The following MEP1A variants were observed in gnomAD, a reference collection of about 807,000 sequenced individuals.
MEP1A encodes the protein meprin A subunit alpha.
Under a neutral mutation model 84.5 loss-of-function variants are expected in MEP1A, and 68 were observed. The ratio of observed to expected loss-of-function variants is 0.80; its 90% CI spans 0.66 to 0.98. The LOEUF (loss-of-function observed/expected upper bound fraction) is 0.98, where lower values mean the gene tolerates loss of function less well. MEP1A is among the 50% of genes least tolerant of loss of function. MEP1A has a pLI of 0.00. For synonymous variants in MEP1A, 337 were observed against 336.8 expected, an observed-to-expected ratio of 1.00 and a Z score of -0.01; for missense variants, 887 against 919.9, an observed-to-expected ratio of 0.96 and a Z score of 0.46.
At chr6:46,803,251 T>C (rs1767234868) in intron 5 of MEP1A, among the ~76,000 whole-genome samples, 1 of 151,652 alleles carries the variant, frequency 6.6e-6, no homozygotes, top group Admixed American at 6.6e-5. Context: ...TATAGAATTA[T>C]TCTTATTTTC....
At chr6:46,843,997 A>T (rs1768376132), downstream of MEP1A, among the ~76,000 whole-genome samples, 1 of 152,224 alleles carries the variant, frequency 6.6e-6, no homozygotes, top group African/African-American at 2.4e-5. Flanking sequence ...ATGGAACACT[A>T]TGTAAAGTTC....
At chr6:46,812,329 G>A (rs968397813) in intron 6 of MEP1A, among the ~76,000 whole-genome samples, 2 of 151,778 alleles carry the variant, frequency 1.3e-5, no homozygotes, top group Non-Finnish European at 1.5e-5. Context: ...CTCCCATTTT[G>A]TTTCTAATTG....
intron 13 of MEP1A, among the ~76,000 whole-genome samples, chr6:46,836,305 A>T (rs1176097706): frequency 2.6e-5 from 4 of 152,232 alleles, no homozygotes; most frequent in Admixed American, 2.6e-4. Flanking sequence ...CTGTTTCACA[A>T]AAGGAGGTAT....
At position 46,834,633 on chromosome 6, in the gene MEP1A, G is replaced by A. The variant is rs4714952; in HGVS notation, c.1665G>A (p.Thr555=). The change falls in exon 12 of 14, where the codon ACG becomes ACA. Residue 555 remains threonine (T), a synonymous_variant. Coordinates refer to ENST00000230588, the MANE Select transcript of MEP1A (RefSeq NM_005588.3). ...CGTCCAGGGTGGGAACCTATCATAC[G>A]GACTGTAATTGTTTTAGAAGCATCG... The part of the protein sequence containing the change: ...DRPSRVGTYH[T]DCNCFRSIDL... 0.65 allele frequency: 1,044,791 copies of A among 1,609,818 alleles called. 342,869 individuals carry two copies. Among genetic ancestry groups the A allele is most frequent in the African/African-American group, 0.86 (64,658 of 74,856 alleles).
intron 7 of MEP1A, among the ~76,000 whole-genome samples, chr6:46,822,328 C>A (rs1435154915): frequency 2.6e-5 from 4 of 152,062 alleles, no homozygotes; most frequent in African/African-American, 9.7e-5. Context: ...GATCGCATGC[C>A]CTGGATTACA....
At chr6:46,822,015 GT>G (rs1767790593) in intron 7 of MEP1A, among the ~76,000 whole-genome samples, 1 of 152,190 alleles carries the variant, frequency 6.6e-6, no homozygotes. Context: ...TACTGGCAAT[GT>G]AATTCTCTCC....
intron 4 of MEP1A, among the ~76,000 whole-genome samples, 177 bp from the exon 5 acceptor site, chr6:46,798,929 A>AT (rs1196228318): frequency 6.6e-6 from 1 of 152,158 alleles, no homozygotes; most frequent in Non-Finnish European, 1.5e-5. Context: ...AATTTCTCTG[A>AT]TTTTTCCAAA....
chr6:46,802,874 T>A lies in MEP1A; in HGVS notation c.262+3693T>A, dbSNP rs180803511. On this transcript the variant is annotated intron_variant, in intron 5 of 13. Coordinates refer to ENST00000230588, the MANE Select transcript of MEP1A (RefSeq NM_005588.3). ...TTTGCATTTCTCAGATGAGCCCTAC[T>A]TGGTTATGATGTATTATCCTTTTCA... 9.6e-4 allele frequency among the ~76,000 whole-genome samples: 146 copies of A among 152,020 alleles called. 1 individual carries two copies. The highest frequency in any genetic ancestry group is 2.9e-3 in the African/African-American group (120 of 41,560).
At chr6:46,833,018 T>G (rs1361524635) in intron 10 of MEP1A, 56 bp from the exon 11 acceptor site, 10 of 982,234 alleles carry the variant, frequency 1.0e-5, no homozygotes, top group Non-Finnish European at 1.5e-5. Context: ...AAACTCATAA[T>G]AAGTACTCAT....
intron 5 of MEP1A, among the ~76,000 whole-genome samples, chr6:46,805,735 A>G (rs972304794): frequency 2.0e-5 from 3 of 151,878 alleles, no homozygotes; most frequent in African/African-American, 7.2e-5. Context: ...TGATTATGGT[A>G]TGCTTATGCT....
intron 7 of MEP1A, among the ~76,000 whole-genome samples, chr6:46,821,055 T>G (rs1206328207): frequency 6.6e-6 from 1 of 152,194 alleles, no homozygotes; most frequent in Non-Finnish European, 1.5e-5. Flanking sequence ...CTGACCAAGC[T>G]TTATAATTAA....
chr6:46,834,889 A>G, intron 12 of MEP1A, 138 bp downstream of exon 12: 2 of 653,904 alleles, frequency 3.1e-6, no homozygotes, highest in Non-Finnish European at 5.1e-6. Context: ...ATTTTATTCA[A>G]TTGGTCAAGG....
At chr6:46,843,240 C>T (rs1768363852), downstream of MEP1A, among the ~76,000 whole-genome samples, 1 of 152,172 alleles carries the variant, frequency 6.6e-6, no homozygotes, top group African/African-American at 2.4e-5. Context: ...GTAGTGACAA[C>T]CCCAAATCTC....
intron 6 of MEP1A, among the ~76,000 whole-genome samples, 199 bp from the exon 7 acceptor site, chr6:46,819,330 G>A (rs1767712064): frequency 6.6e-6 from 1 of 152,146 alleles, no homozygotes; most frequent in African/African-American, 2.4e-5. Flanking sequence ...CACTTTTAAA[G>A]CCTGCACAGT....
At position 46,825,441 on chromosome 6, in the gene MEP1A, C is replaced by T; in HGVS notation, c.726C>T (p.Arg242=). The T allele has an allele frequency of 3.1e-6, 5 of 1,613,812 alleles. No homozygotes were observed. Among genetic ancestry groups the T allele is most frequent in the Non-Finnish European group, 3.4e-6 (4 of 1,179,820 alleles). ...IPEFNSIIGQ[R]LDFSAIDLER... ...AGTTTAACTCCATTATCGGACAGCG[C>T]CTGGATTTCAGTGCCATTGATTTAG... Residue 242 remains arginine (R), a synonymous_variant, in exon 8 of 14, where the codon CGC becomes CGT. Coordinates refer to ENST00000230588, the MANE Select transcript of MEP1A (RefSeq NM_005588.3).
At position 46,821,054 on chromosome 6, in the gene MEP1A, C is replaced by T. The variant is rs183418002; in HGVS notation, c.556+1350C>T. ...TGGGGGCTTGGAAGAACTGACCAAGCTTTATAATTAAATATGAATCCTCAA... is the reference window on the plus strand; with the variant it reads ...TGGGGGCTTGGAAGAACTGACCAAGTTTTATAATTAAATATGAATCCTCAA... On this transcript the variant is annotated intron_variant, in intron 7 of 13. Coordinates refer to ENST00000230588, the MANE Select transcript of MEP1A (RefSeq NM_005588.3). Among the ~76,000 whole-genome samples the T allele has an allele frequency of 7.0e-4, 106 of 152,038 alleles. 1 individual carries two copies. In the East Asian group the frequency reaches 0.019, roughly 27 times the overall value.
chr6:46,807,770 G>GGAAAGAAAGAAAGAAA (rs545795578), intron 5 of MEP1A, among the ~76,000 whole-genome samples: 12 of 97,316 alleles, frequency 1.2e-4, no homozygotes, highest in African/African-American at 2.6e-4. Flanking sequence ...AAGGGAGAAA[G>GGAAAGAAAGAAAGAAA]GAAAGAAAGA....
intron 3 of MEP1A, among the ~76,000 whole-genome samples, chr6:46,797,921 TC>T (rs1340919883): frequency 0.28 from 15,703 of 56,212 alleles, 1,458 homozygotes; most frequent in Non-Finnish European, 0.33. Context: ...CTTCCTTCCT[TC>T]CTTCCTTCTT....
At chr6:46,844,318 G>A (rs147600955), downstream of MEP1A, among the ~76,000 whole-genome samples, 80 of 152,238 alleles carry the variant, frequency 5.3e-4, no homozygotes, top group Middle Eastern at 6.8e-3. Context: ...TTTGATATGG[G>A]TAGGGCAGCC....
Sources: gnomAD v4.1 joint callset for allele counts (sites outside exome capture counted in the v4.1 genomes callset) on GRCh38, gnomAD v4.1.1 for gene constraint, MANE v1.5 for transcripts, NCBI Gene and HGNC (gene_info 2026-07-23, HGNC 2026-07-21) for gene names.